THSD7B: variants seen among roughly 807,000 people sequenced by gnomAD.
THSD7B encodes thrombospondin type 1 domain containing 7B.
A neutral mutation model predicts 213.6 loss-of-function variants in THSD7B; 138 were observed. The ratio of observed to expected loss-of-function variants is 0.65; its 90% confidence interval spans 0.56 to 0.74. The LOEUF (loss-of-function observed/expected upper bound fraction) is 0.74. THSD7B is among the 30% of genes least tolerant of loss of function. The pLI, the probability that THSD7B is intolerant of heterozygous loss-of-function variation, is 0.00. For synonymous variants in THSD7B, 742 were observed against 687.0 expected (o/e 1.08, Z -1.25); for missense variants, 1,931 against 1,991.5 (o/e 0.97, Z 0.58).
chr2:136,773,351 G>T (rs1267156738), intron 1 of THSD7B, among the ~76,000 whole-genome samples: 1 of 152,042 alleles, frequency 6.6e-6, no homozygotes, highest in Non-Finnish European at 1.5e-5. Context: ...AAGTCGGGAG[G>T]TGCATGCAGG....
At chr2:137,263,849 G>A (rs944503561) in intron 10 of THSD7B, among the ~76,000 whole-genome samples, 7 of 152,030 alleles carry the variant, frequency 4.6e-5, no homozygotes, top group Non-Finnish European at 8.8e-5. Context: ...GTTCTACTAG[G>A]GCATTGCATT....
In THSD7B at chr2:137,669,928, T is replaced by C. The variant is rs544360334; in HGVS notation, c.4739+2067T>C. 1.1e-3 allele frequency among the ~76,000 whole-genome samples: 172 copies of C among 152,336 alleles called. 2 individuals carry two copies. Among genetic ancestry groups the C allele is most frequent in the Admixed American group, 3.0e-3 (46 of 15,298 alleles). ...CCCCTTTCTGCATGACTCTAGGCTCTGGGAATTAATTAGGTACATCATTGA... is the reference window on the plus strand; with the variant it reads ...CCCCTTTCTGCATGACTCTAGGCTCCGGGAATTAATTAGGTACATCATTGA... On this transcript the variant is annotated intron_variant, in intron 27 of 27. Transcript: ENST00000409968.
At chr2:137,366,393 T>C (rs1357598223) in intron 12 of THSD7B, among the ~76,000 whole-genome samples, 1 of 142,600 alleles carries the variant, frequency 7.0e-6, no homozygotes, top group East Asian at 2.0e-4. Flanking sequence ...AGTATAATAA[T>C]AAAAAAAAAA....
At chr2:136,914,447 G>T (rs761766573) in intron 2 of THSD7B, among the ~76,000 whole-genome samples, 3 of 152,154 alleles carry the variant, frequency 2.0e-5, no homozygotes, top group Non-Finnish European at 4.4e-5. Context: ...CATGAGATTT[G>T]GGAGGGACCA....
chr2:136,949,694 A>G (rs955604974), intron 2 of THSD7B, among the ~76,000 whole-genome samples: 27 of 152,298 alleles, frequency 1.8e-4, no homozygotes, highest in Non-Finnish European at 3.2e-4. Context: ...AATACCATAC[A>G]AGGGGCAGCA....
chr2:136,897,045 AAGCAATCCTTCTACCTC>A (rs1683971624), intron 2 of THSD7B, among the ~76,000 whole-genome samples: 1 of 152,026 alleles, frequency 6.6e-6, no homozygotes, highest in African/African-American at 2.4e-5. Flanking sequence ...TCCTAGGCTC[AAGCAATCCTTCTACCTC>A]AGCCTCCCAA....
intron 10 of THSD7B, among the ~76,000 whole-genome samples, chr2:137,269,269 A>C (rs1682678317): frequency 6.6e-6 from 1 of 152,204 alleles, no homozygotes; most frequent in South Asian, 2.1e-4. Context: ...ACTCCATCTG[A>C]ATATCTGTAG....
chr2:137,043,543 A>G (rs1686919142), intron 2 of THSD7B, among the ~76,000 whole-genome samples: 1 of 152,126 alleles, frequency 6.6e-6, no homozygotes, highest in African/African-American at 2.4e-5. Context: ...TGCTCCGAGG[A>G]GGAGAAGAGC....
At chr2:137,170,973 G>A (rs2104995335) in intron 7 of THSD7B, 35 bp downstream of exon 7, 1 of 1,605,444 alleles carries the variant, frequency 6.2e-7, no homozygotes, top group South Asian at 1.1e-5. Context: ...GTGTTAGGAT[G>A]TTAAGTATCA....
chr2:137,446,347 C>T (rs978017272), intron 14 of THSD7B, among the ~76,000 whole-genome samples: 1 of 151,992 alleles, frequency 6.6e-6, no homozygotes, highest in Non-Finnish European at 1.5e-5. Context: ...CACATACATC[C>T]GTTATGCTAA....
rs6755602 is a variant in THSD7B at position 137,584,122 on chromosome 2, T to C, written c.3423+11566T>C. Among the ~76,000 whole-genome samples, 1,066 of 152,336 alleles carry C rather than the reference T, an allele frequency of 7.0e-3. 7 individuals are homozygous for C. Among genetic ancestry groups the C allele is most frequent in the African/African-American group, 0.024 (993 of 41,578 alleles). ...GCAACTGGGAATGGGAATTCACTCA[T>C]GATTTGGCTCACTGTTCGTCTGTTA... On this transcript the variant is annotated intron_variant, in intron 17 of 27. Transcript: ENST00000409968.
intron 3 of THSD7B, among the ~76,000 whole-genome samples, chr2:137,086,470 T>C (rs1031667518): frequency 4.6e-5 from 7 of 152,208 alleles, no homozygotes; most frequent in African/African-American, 1.7e-4. Flanking sequence ...TCTCCTTCTC[T>C]GACTTTGACT....
chr2:137,589,726 T>C (rs986064527), intron 17 of THSD7B, among the ~76,000 whole-genome samples: 54 of 152,340 alleles, frequency 3.5e-4, no homozygotes, highest in African/African-American at 1.3e-3. Context: ...TTTTTTCTAA[T>C]GTGTACATGC....
intron 2 of THSD7B, among the ~76,000 whole-genome samples, chr2:137,000,277 G>A (rs1685976794): frequency 6.6e-6 from 1 of 152,120 alleles, no homozygotes; most frequent in African/African-American, 2.4e-5. Context: ...CAAAATTTAA[G>A]GGGACTGAAT....
intron 6 of THSD7B, among the ~76,000 whole-genome samples, chr2:137,167,801 G>A: frequency 6.6e-6 from 1 of 152,190 alleles, no homozygotes; most frequent in Non-Finnish European, 1.5e-5. Context: ...CTCCCCTGCT[G>A]TGCAGCATCT....
intron 2 of THSD7B, among the ~76,000 whole-genome samples, chr2:136,973,372 G>A (rs1431947831): frequency 2.6e-5 from 4 of 151,932 alleles, no homozygotes; most frequent in African/African-American, 4.8e-5. Flanking sequence ...ACTTTTTAAC[G>A]TGGAAAATTT....
intron 14 of THSD7B, among the ~76,000 whole-genome samples, chr2:137,432,949 G>A (rs1687216415): frequency 1.3e-5 from 2 of 152,162 alleles, no homozygotes; most frequent in East Asian, 1.9e-4. Context: ...TAGATTGTTA[G>A]CGTCTAATTC....
chr2:137,013,866 G>A (rs1007026024), intron 2 of THSD7B, among the ~76,000 whole-genome samples: 1 of 152,182 alleles, frequency 6.6e-6, no homozygotes, highest in African/African-American at 2.4e-5. Flanking sequence ...GTCCCTTCGA[G>A]TAAGTGCTGA....
chr2:137,474,560 C>T (rs114132787), intron 15 of THSD7B, among the ~76,000 whole-genome samples: 284 of 152,276 alleles, frequency 1.9e-3, no homozygotes, highest in African/African-American at 6.7e-3. Flanking sequence ...ACCTCTGGAT[C>T]ATAACACAGA....
Sources: gnomAD v4.1 joint callset for allele counts (sites outside exome capture counted in the v4.1 genomes callset) on GRCh38, gnomAD v4.1.1 for gene constraint, MANE v1.5 for transcripts, NCBI Gene and HGNC (gene_info 2026-07-23, HGNC 2026-07-21) for gene names.